SMYD2: variants seen among roughly 807,000 people sequenced by gnomAD.
SMYD2 encodes the protein N-lysine methyltransferase SMYD2.
A neutral mutation model predicts 59.1 loss-of-function variants in SMYD2; 53 were observed. The ratio of observed to expected loss-of-function variants is 0.90; its 90% CI spans 0.72 to 1.13. The LOEUF (loss-of-function observed/expected upper bound fraction) is 1.13, where lower values mean the gene tolerates loss of function less well. SMYD2 is among the 50% of genes most tolerant of loss of function. SMYD2 has a pLI of 0.00. For missense variants in SMYD2, 494 were observed against 544.7 expected, an observed-to-expected ratio of 0.91 and a Z score of 0.93; for synonymous variants, 208 against 198.8, an observed-to-expected ratio of 1.05 and a Z score of -0.39.
Position 214,330,950 on chromosome 1 carries a change from G to A in SMYD2, c.817G>A (p.Asp273Asn). Residue 273 changes from aspartate to asparagine, a missense_variant and splice_region_variant, in exon 9 of 12, where the codon GAT becomes AAT. Transcript: ENST00000366957. ...TTGCCCTTGTGGACGTTTCCTTCAG[G>A]ATAAGGCCAAGGTGGAAATCCGGAA... The part of the protein sequence containing the change: ...ECQECTTKDK[D>N]KAKVEIRKLS... 1 of 1,614,090 alleles carries A rather than the reference G, an allele frequency of 6.2e-7. No homozygotes were observed. The highest frequency in any genetic ancestry group is 1.3e-5 in the African/African-American group (1 of 75,044).
At chr1:214,295,758 T>A (rs371480406) in intron 1 of SMYD2, among the ~76,000 whole-genome samples, 7 of 152,324 alleles carry the variant, frequency 4.6e-5, no homozygotes, top group South Asian at 2.1e-4. Context: ...CTTTCAGTAT[T>A]ACAGAAAAAC....
intron 1 of SMYD2, among the ~76,000 whole-genome samples, chr1:214,285,265 C>T (rs760577849): frequency 3.3e-5 from 5 of 152,102 alleles, no homozygotes; most frequent in Non-Finnish European, 7.3e-5. Flanking sequence ...ATCAAACCGG[C>T]AGAATAATTT....
chr1:214,305,402 C>T (rs1656900174), intron 2 of SMYD2, 152 bp downstream of exon 2: 1 of 733,560 alleles, frequency 1.4e-6, no homozygotes, highest in Non-Finnish European at 2.3e-6. Context: ...CCCGACCTCA[C>T]AGGCGGCCAG....
rs1656432919 is a variant in SMYD2, at chr1:214,281,175, C to T, written c.-80C>T. The T allele has an allele frequency of 9.2e-7, 1 of 1,085,420 alleles. No individual in the cohort carries two copies. The highest frequency in any genetic ancestry group is 1.6e-5 in the African/African-American group (1 of 60,672). The allele number at this position is 1,085,420 out of a possible 1,614,324, so 67.2% of individuals were successfully genotyped here. A position where few individuals can be genotyped will look rare whatever the true frequency, so the allele number is the denominator to read the frequency against. ...GCGGCTCCCACCCCGCCCCCCGCAG[C>T]TCTAGGTGACGCGTCTCCAATAACA... On this transcript the variant is annotated 5_prime_UTR_variant, in exon 1 of 12. Coordinates refer to ENST00000366957, the MANE Select transcript of SMYD2 (RefSeq NM_020197.3).
At chr1:214,304,128 T>C (rs779635818) in intron 1 of SMYD2, among the ~76,000 whole-genome samples, 9 of 152,220 alleles carry the variant, frequency 5.9e-5, no homozygotes, top group Non-Finnish European at 1.2e-4. Flanking sequence ...CCCTGTCCTT[T>C]ATGGGAAGCA....
In SMYD2 at chr1:214,297,884, T is replaced by C. The variant is rs910786868; in HGVS notation, c.174-7303T>C. 2.0e-5 allele frequency among the ~76,000 whole-genome samples: 3 copies of C among 152,138 alleles called. 1 individual carries two copies. The South Asian group carries it at 6.2e-4, about 31-fold the overall frequency. ...AGACCTATGTTAAGAAAATTCACAC[T>C]GCTGAAAGAAATTAGAGATGACACA... On this transcript the variant is annotated intron_variant, in intron 1 of 11. Transcript: ENST00000366957.
At position 214,281,444 on chromosome 1, in the gene SMYD2, G is replaced by A; in HGVS notation, c.173+17G>A. On this transcript the variant is annotated intron_variant, in intron 1 of 11. Transcript: ENST00000366957. ...CTTCACCAGGTAGGGCGGCGGCGGC[G>A]GCGGCGGCGGGCGGGAGCCGGGGGC... 1 of 1,388,966 alleles carries A rather than the reference G, an allele frequency of 7.2e-7. No homozygotes were observed. Among genetic ancestry groups the A allele is most frequent in the Non-Finnish European group, 9.4e-7 (1 of 1,067,758 alleles). The allele number at this position is 1,388,966 out of a possible 1,614,324, so 86.0% of individuals were successfully genotyped here.
chr1:214,332,649 G>C (rs572858698), intron 10 of SMYD2: 1 of 153,516 alleles, frequency 6.5e-6, no homozygotes, highest in Non-Finnish European at 1.4e-5. Flanking sequence ...TGGGTTGACC[G>C]TGGTTATCTA....
chr1:214,289,183 G>C (rs759199270), intron 1 of SMYD2, among the ~76,000 whole-genome samples: 1 of 152,148 alleles, frequency 6.6e-6, no homozygotes, highest in Non-Finnish European at 1.5e-5. Flanking sequence ...GTCTTTGGGA[G>C]AACTCAGAAT....
intron 1 of SMYD2, 107 bp downstream of exon 1, chr1:214,281,534 G>C: frequency 5.2e-6 from 1 of 193,480 alleles, no homozygotes; most frequent in Non-Finnish European, 9.3e-6. Context: ...CCTAGCGCCG[G>C]CCCTTGGGGC....
intron 1 of SMYD2, among the ~76,000 whole-genome samples, chr1:214,289,916 C>A (rs1656609836): frequency 6.6e-6 from 1 of 152,218 alleles, no homozygotes; most frequent in Non-Finnish European, 1.5e-5. Context: ...ACCTTCACTT[C>A]TTTGGATTTC....
At chr1:214,292,540 A>G (rs901356018) in intron 1 of SMYD2, among the ~76,000 whole-genome samples, 1 of 152,218 alleles carries the variant, frequency 6.6e-6, no homozygotes, top group Non-Finnish European at 1.5e-5. Context: ...GCGTTTAGCA[A>G]GAAGACTAGC....
intron 1 of SMYD2, among the ~76,000 whole-genome samples, chr1:214,296,192 C>T (rs777246562): frequency 1.2e-4 from 18 of 152,352 alleles, no homozygotes; most frequent in Non-Finnish European, 1.9e-4. Flanking sequence ...CCTGCGGCAA[C>T]GCATTAACTA....
chr1:214,336,545 A>T (rs183738551), intron 11 of SMYD2, among the ~76,000 whole-genome samples, 159 bp from the exon 12 acceptor site: 72 of 152,358 alleles, frequency 4.7e-4, no homozygotes, highest in Admixed American at 7.2e-4. Context: ...ATAAATAAAT[A>T]AATTAAAATA....
intron 2 of SMYD2, 112 bp downstream of exon 2, chr1:214,305,362 G>A: frequency 9.5e-7 from 1 of 1,056,006 alleles, no homozygotes. Flanking sequence ...AGCATAGGAT[G>A]TGGCTGGATA....
intron 11 of SMYD2, among the ~76,000 whole-genome samples, chr1:214,335,017 A>G (rs1657414366): frequency 2.6e-5 from 4 of 152,242 alleles, no homozygotes; most frequent in Admixed American, 2.6e-4. Flanking sequence ...CGACCCTCAC[A>G]TCATGGGAGG....
In SMYD2 at chr1:214,312,755, A is replaced by G. The variant is rs1330505169; in HGVS notation, c.238-2007A>G. ...GGGGGATGATGGGCTGGGGTGGTGC[A>G]GGGACGCTCCCATCACGTGTGGCCT... On this transcript the variant is annotated intron_variant, in intron 2 of 11. Transcript: ENST00000366957. This position sits in a 1 kb window ranked among gnomAD's most constrained non-coding sequence, Gnocchi z 4.1. 6.6e-6 allele frequency among the ~76,000 whole-genome samples: 1 copy of G among 152,224 alleles called. No homozygotes were observed. Among genetic ancestry groups the G allele is most frequent in the Non-Finnish European group, 1.5e-5 (1 of 68,036 alleles).
chr1:214,333,195 C>G (rs1032419600), intron 10 of SMYD2: 1 of 152,228 alleles, frequency 6.6e-6, no homozygotes, highest in Non-Finnish European at 1.5e-5. Flanking sequence ...CTCAAACCTT[C>G]CTTTTCTCCT....
chr1:214,308,438 A>G (rs968818764), intron 2 of SMYD2, among the ~76,000 whole-genome samples: 2 of 152,180 alleles, frequency 1.3e-5, no homozygotes, highest in African/African-American at 4.8e-5. Flanking sequence ...CGTAAAGGAA[A>G]TCATTAGGGA....
Sources: allele counts gnomAD v4.1 joint callset (sites outside exome capture counted in the v4.1 genomes callset), GRCh38; gene constraint gnomAD v4.1.1; non-coding constraint Gnocchi (gnomAD v3.1); transcripts MANE v1.5; gene names NCBI Gene and HGNC (gene_info 2026-07-23, HGNC 2026-07-21).